Variants in ZNF69 observed in about 807,000 individuals in gnomAD.
ZNF69 encodes the protein zinc finger protein 69.
Under a neutral mutation model 50.9 loss-of-function variants are expected in ZNF69, and 47 were observed. That is an observed-to-expected ratio of 0.92 (90% confidence interval 0.73 to 1.18). The LOEUF is 1.18. Among genes scored for constraint, ZNF69 ranks in the 50% most tolerant of loss-of-function variants. The pLI, the probability that ZNF69 is intolerant of heterozygous loss-of-function variation, is 0.00. For synonymous variants in ZNF69, 216 were observed against 223.1 expected, an observed-to-expected ratio of 0.97 and a Z score of 0.29; for missense variants, 717 against 675.1, an observed-to-expected ratio of 1.06 and a Z score of -0.69.
the ZNF69 span, among the ~76,000 whole-genome samples, chr19:11,973,736 A>T: frequency 0.056 from 8,355 of 148,076 alleles, 726 homozygotes; most frequent in African/African-American, 0.19. Flanking sequence ...TTTTTTTTTT[A>T]AAGACTCACC....
the ZNF69 span, chr19:11,965,176 A>T: frequency 6.2e-7 from 1 of 1,613,922 alleles, no homozygotes; most frequent in South Asian, 1.1e-5. Context: ...CAGGAGCTGT[A>T]GAGAGGACCC....
At chr19:11,892,380 A>C (rs888557575) in intron 1 of ZNF69, among the ~76,000 whole-genome samples, 1 of 152,120 alleles carries the variant, frequency 6.6e-6, no homozygotes, top group Admixed American at 6.6e-5. Flanking sequence ...GAGTGAATTC[A>C]ACATTCCAGC....
downstream of ZNF69, among the ~76,000 whole-genome samples, chr19:11,916,241 A>C (rs1338846554): frequency 6.6e-6 from 1 of 152,216 alleles, no homozygotes; most frequent in Non-Finnish European, 1.5e-5. Context: ...TAAAAATAGA[A>C]ATATTAAATA....
the ZNF69 span, chr19:11,978,043 A>C: frequency 6.4e-7 from 1 of 1,552,472 alleles, no homozygotes; most frequent in Non-Finnish European, 8.7e-7. Context: ...CCATGTTAAA[A>C]ATGCAAGTGC....
intron 1 of ZNF69, among the ~76,000 whole-genome samples, chr19:11,889,832 T>C (rs1175000125): frequency 3.3e-5 from 5 of 152,108 alleles, no homozygotes; most frequent in Non-Finnish European, 7.4e-5. Flanking sequence ...GAGGGGAGTG[T>C]GGCAGGACAA....
the ZNF69 span, among the ~76,000 whole-genome samples, chr19:11,965,800 C>G: frequency 6.6e-6 from 1 of 152,088 alleles, no homozygotes; most frequent in East Asian, 1.9e-4. Context: ...TGAGTGGTCC[C>G]GAGGCGGCTC....
At chr19:11,966,476 C>G in the ZNF69 span, among the ~76,000 whole-genome samples, 2 of 152,156 alleles carry the variant, frequency 1.3e-5, no homozygotes, top group South Asian at 2.1e-4. Context: ...TGGGTTCAAG[C>G]AATTCTCCTG....
intron 1 of ZNF69, 64 bp downstream of exon 1, chr19:11,888,050 C>A: frequency 6.5e-7 from 1 of 1,527,578 alleles, no homozygotes; most frequent in Non-Finnish European, 9.0e-7. Flanking sequence ...CCGGAACCGA[C>A]TGTGGCGAGA....
At chr19:11,946,112 C>A in the ZNF69 span, among the ~76,000 whole-genome samples, 256 of 152,278 alleles carry the variant, frequency 1.7e-3, 3 homozygotes, top group African/African-American at 5.8e-3. Context: ...TCCAGTAGCC[C>A]TTCTGCCAGA....
chr19:11,945,268 A>C, the ZNF69 span, among the ~76,000 whole-genome samples: 1 of 152,132 alleles, frequency 6.6e-6, no homozygotes, highest in Non-Finnish European at 1.5e-5. Context: ...AGTACTGCAA[A>C]GTTTGGGATC....
the ZNF69 span, among the ~76,000 whole-genome samples, chr19:11,943,685 A>G: frequency 6.6e-6 from 1 of 152,206 alleles, no homozygotes; most frequent in Non-Finnish European, 1.5e-5. Context: ...CTAGGCATTC[A>G]TAATAACTAG....
chr19:11,892,496 A>C (rs1402429294), intron 1 of ZNF69, among the ~76,000 whole-genome samples: 1 of 152,092 alleles, frequency 6.6e-6, no homozygotes, highest in Non-Finnish European at 1.5e-5. Context: ...GATGGCTCAC[A>C]CCTGTAACCC....
At chr19:11,960,585 C>T in the ZNF69 span, among the ~76,000 whole-genome samples, 2 of 150,596 alleles carry the variant, frequency 1.3e-5, no homozygotes, top group South Asian at 2.1e-4. Context: ...TGATCCACCA[C>T]GCTCAGCAAT....
At chr19:11,948,309 A>G in the ZNF69 span, 1 of 1,613,526 alleles carries the variant, frequency 6.2e-7, no homozygotes, top group Non-Finnish European at 8.5e-7. Context: ...ATGAAATTAA[A>G]GAAGACAGTC....
the ZNF69 span, chr19:11,978,388 A>G: frequency 6.2e-7 from 1 of 1,614,224 alleles, no homozygotes; most frequent in South Asian, 1.1e-5. Context: ...GCCTTCAGAT[A>G]TCACCCCTCC....
the ZNF69 span, chr19:11,948,275 G>A: frequency 6.2e-7 from 1 of 1,611,360 alleles, no homozygotes; most frequent in South Asian, 1.1e-5. Flanking sequence ...ATGTTTTACA[G>A]GAGTCTCATA....
intron 1 of ZNF69, among the ~76,000 whole-genome samples, chr19:11,899,564 T>A (rs998973267): frequency 1.3e-5 from 2 of 152,200 alleles, no homozygotes; most frequent in African/African-American, 4.8e-5. Flanking sequence ...CACGGGAGAC[T>A]GAGGTGAGAT....
At chr19:11,948,728 G>A in the ZNF69 span, 7,021 of 1,613,252 alleles carry the variant, frequency 4.4e-3, 232 homozygotes, top group African/African-American at 0.074. Context: ...CATTCTTTCA[G>A]TTTATATCTT....
chr19:11,892,583 A>C (rs886997550), intron 1 of ZNF69, among the ~76,000 whole-genome samples: 5 of 152,070 alleles, frequency 3.3e-5, no homozygotes, highest in African/African-American at 1.2e-4. Flanking sequence ...CATAAGTGAG[A>C]TGCCATCTCA....
Sources: gnomAD v4.1 joint callset for allele counts (sites outside exome capture counted in the v4.1 genomes callset) on GRCh38, gnomAD v4.1.1 for gene constraint, MANE v1.5 for transcripts, NCBI Gene and HGNC (gene_info 2026-07-23, HGNC 2026-07-21) for gene names.